Variants in RGPD3 observed in about 807,000 individuals in gnomAD.
RGPD3 encodes RANBP2 like and GRIP domain containing 3.
In RGPD3, 62 loss-of-function variants were observed where a neutral mutation model predicts 154.5. That is an observed-to-expected ratio of 0.40 (90% CI 0.33 to 0.50). The LOEUF is 0.50. RGPD3 is among the 20% of genes least tolerant of loss of function. RGPD3 has a pLI of 0.59. For synonymous variants in RGPD3, 308 were observed against 607.0 expected (o/e 0.51, Z 7.24); for missense variants, 919 against 1,716.8 (o/e 0.54, Z 8.21).
Position 106,441,114 on chromosome 2 carries a change from T to G in RGPD3, c.1066+179A>C, listed in dbSNP as rs1335291731. Among the ~76,000 whole-genome samples the G allele has an allele frequency of 9.9e-5, 15 of 151,822 alleles. No individual in the cohort carries two copies. The East Asian group carries it at 2.9e-3, about 29-fold the overall frequency. On this transcript the variant is annotated intron_variant, in intron 8 of 22. Transcript: ENST00000409886. ...ACAAACAATATCAAATATTCATTTT[T>G]TTTAAAGAATGTGCTATTTCTTCGC...
intron 21 of RGPD3, among the ~76,000 whole-genome samples, chr2:106,415,388 A>G (rs1676793201): frequency 6.6e-6 from 1 of 152,178 alleles, no homozygotes; most frequent in Non-Finnish European, 1.5e-5. Context: ...GTATAAAAGA[A>G]GTATTTTGGC....
chr2:106,426,583 T>C (rs1267169530), intron 18 of RGPD3, among the ~76,000 whole-genome samples: 121 of 151,380 alleles, frequency 8.0e-4, no homozygotes, highest in African/African-American at 2.9e-3. Context: ...AAGGATGTCA[T>C]AAATAACATA....
intron 22 of RGPD3, among the ~76,000 whole-genome samples, chr2:106,412,293 GTTTTTTTTT>G (rs772813472): frequency 3.3e-3 from 148 of 45,012 alleles, no homozygotes; most frequent in East Asian, 8.2e-3. Flanking sequence ...CTACATCATA[GTTTTTTTTT>G]TTTTTTTTTT....
chr2:106,418,143 CAAAA>C (rs921952158), intron 20 of RGPD3, among the ~76,000 whole-genome samples: 6 of 142,546 alleles, frequency 4.2e-5, no homozygotes, highest in Non-Finnish European at 9.1e-5. Flanking sequence ...AAAAAACAAA[CAAAA>C]AAAAACTTAG....
In RGPD3 at chr2:106,424,285, C is replaced by T. The variant is rs749158787; in HGVS notation, c.3682G>A (p.Ala1228Thr). 2.5e-6 allele frequency: 4 copies of T among 1,611,994 alleles called. No homozygotes were observed. Among genetic ancestry groups the T allele is most frequent in the Non-Finnish European group, 1.7e-6 (2 of 1,179,872 alleles). Residue 1228 changes from alanine to threonine, a missense_variant, in exon 20 of 23, where the codon GCG becomes ACG. Coordinates refer to ENST00000409886, the MANE Select transcript of RGPD3 (RefSeq NM_001144013.2). ...EEENKGSGTGAAGASDTTIKP... is the reference protein window; with the variant it reads ...EEENKGSGTGTAGASDTTIKP... Reference sequence around the variant, plus strand: ...ATTGTTGTGTCTGAGGCACCGGCCGCACCTGTACCTGAACCCTTATTTTCT... The same window carrying T: ...ATTGTTGTGTCTGAGGCACCGGCCGTACCTGTACCTGAACCCTTATTTTCT...
At chr2:106,408,822 G>A (rs1036797343) in intron 22 of RGPD3, among the ~76,000 whole-genome samples, 12 of 151,902 alleles carry the variant, frequency 7.9e-5, no homozygotes, top group African/African-American at 2.9e-4. Flanking sequence ...GAGTAGCTAG[G>A]ACTATGGGCA....
chr2:106,444,836 G>T (rs1230808442), intron 7 of RGPD3, among the ~76,000 whole-genome samples: 2 of 144,110 alleles, frequency 1.4e-5, no homozygotes, highest in African/African-American at 5.1e-5. Context: ...TCAAAAAATT[G>T]TAGGCTGTGC....
chr2:106,432,976 A>C lies in RGPD3; in HGVS notation c.2428T>G (p.Ser810Ala). 6 of 1,606,314 alleles carry C rather than the reference A, an allele frequency of 3.7e-6. No homozygotes were observed. The highest frequency in any genetic ancestry group is 5.1e-6 in the Non-Finnish European group (6 of 1,178,738). Residue 810 changes from serine (S) to alanine (A), a missense_variant, in exon 17 of 23, where the codon TCT becomes GCT. Transcript: ENST00000409886. ...TPPRWAEDQN[S>A]LLKMIRQEVK... ...TCTTGGCGAATCATTTTCAGTAAAG[A>C]ATTCTGATCTTCTGCCCATCGAGGT... is the stretch of plus-strand genomic sequence containing the variant.
At chr2:106,446,547 GC>G (rs1677939730) in intron 7 of RGPD3, among the ~76,000 whole-genome samples, 1 of 92,972 alleles carries the variant, frequency 1.1e-5, no homozygotes, top group African/African-American at 4.1e-5. Flanking sequence ...TCCAGCCTGG[GC>G]GACAGAGCGA....
chr2:106,432,365 G>A (rs1410555432), intron 17 of RGPD3, among the ~76,000 whole-genome samples: 1 of 148,230 alleles, frequency 6.7e-6, no homozygotes, highest in Non-Finnish European at 1.5e-5. Context: ...AGGCAGGAGA[G>A]TCGCTTGAAC....
At chr2:106,450,881 C>CAAAAAAAAAAAAA (rs56400357) in intron 6 of RGPD3, among the ~76,000 whole-genome samples, 9 of 38,364 alleles carry the variant, frequency 2.3e-4, no homozygotes, top group African/African-American at 1.9e-4. Context: ...GACTCAGTCT[C>CAAAAAAAAAAAAA]AAAAAAAAAA....
chr2:106,451,030 AGT>A (rs1678103958), intron 6 of RGPD3, among the ~76,000 whole-genome samples: 1 of 149,020 alleles, frequency 6.7e-6, no homozygotes, highest in African/African-American at 2.5e-5. Flanking sequence ...CGGAGGTTAC[AGT>A]GAGTCAAGGT....
intron 22 of RGPD3, among the ~76,000 whole-genome samples, chr2:106,405,463 T>G (rs1338063624): frequency 2.7e-5 from 4 of 148,874 alleles, no homozygotes; most frequent in Non-Finnish European, 4.5e-5. Context: ...GCAGCCTTGA[T>G]CTCCCAGGCT....
chr2:106,450,097 G>A (rs1366752103), intron 6 of RGPD3, among the ~76,000 whole-genome samples: 11 of 137,156 alleles, frequency 8.0e-5, no homozygotes, highest in Non-Finnish European at 1.7e-4. Flanking sequence ...AGCCAGGTGT[G>A]GGCTGGGCGC....
intron 1 of RGPD3, among the ~76,000 whole-genome samples, chr2:106,466,011 GC>G (rs1558864595): frequency 6.6e-6 from 1 of 151,904 alleles, no homozygotes; most frequent in South Asian, 2.1e-4. Flanking sequence ...TATGACCTCC[GC>G]CGCAGCATAT....
intron 7 of RGPD3, among the ~76,000 whole-genome samples, chr2:106,441,998 G>A (rs868755586): frequency 1.5e-5 from 2 of 135,976 alleles, no homozygotes; most frequent in South Asian, 2.5e-4. Flanking sequence ...TGAACAACAC[G>A]GTGAGACCCT....
intron 1 of RGPD3, 54 bp downstream of exon 1, chr2:106,468,163 C>A: frequency 6.5e-7 from 1 of 1,550,076 alleles, no homozygotes. Context: ...CGGGCCGGGT[C>A]GAGGCCGCCG....
At chr2:106,465,348 G>A (rs1300379777) in intron 1 of RGPD3, among the ~76,000 whole-genome samples, 1 of 152,112 alleles carries the variant, frequency 6.6e-6, no homozygotes, top group Non-Finnish European at 1.5e-5. Flanking sequence ...AGGTTCTAAT[G>A]TAAATGACTT....
upstream of RGPD3, among the ~76,000 whole-genome samples, chr2:106,468,827 A>G (rs1678735805): frequency 6.7e-6 from 1 of 149,608 alleles, no homozygotes; most frequent in Non-Finnish European, 1.5e-5. Flanking sequence ...AAAAAAAAAA[A>G]AAAAAAAGAC....
Sources: allele counts gnomAD v4.1 joint callset (sites outside exome capture counted in the v4.1 genomes callset), GRCh38; gene constraint gnomAD v4.1.1; transcripts MANE v1.5; gene names NCBI Gene and HGNC (gene_info 2026-07-23, HGNC 2026-07-21).